LRMDA: variants seen among roughly 807,000 people sequenced by gnomAD.
LRMDA encodes leucine-rich melanocyte differentiation-associated protein.
In LRMDA, 18 loss-of-function variants were observed where a neutral mutation model predicts 29.8. The observed-to-expected ratio is 0.60, with a 90% CI of 0.42 to 0.90. LRMDA has a LOEUF of 0.90. Ranked by LOEUF, LRMDA falls within the 40% of genes least tolerant of loss-of-function variation. The pLI, the probability that LRMDA is intolerant of heterozygous loss-of-function variation, is 0.00. For synonymous variants in LRMDA, 125 were observed against 109.4 expected (o/e 1.14, Z -0.89); for missense variants, 273 against 273.9 (o/e 1.00, Z 0.02).
intron 2 of LRMDA, among the ~76,000 whole-genome samples, chr10:76,019,140 G>C (rs2395334): frequency 4.6e-5 from 7 of 152,006 alleles, no homozygotes; most frequent in African/African-American, 1.7e-4. Context: ...CCCTCGGGCC[G>C]GGTGCAGCTC....
chr10:76,478,597 C>T (rs1003361170), intron 6 of LRMDA, among the ~76,000 whole-genome samples: 5 of 152,014 alleles, frequency 3.3e-5, no homozygotes, highest in Admixed American at 3.3e-4. Context: ...CACATGTACA[C>T]GTATGTTTAT....
chr10:75,692,392 T>C (rs1005582572), intron 2 of LRMDA, among the ~76,000 whole-genome samples: 39 of 148,870 alleles, frequency 2.6e-4, no homozygotes, highest in African/African-American at 9.1e-4. Context: ...TGCCTACATA[T>C]ATATACACAC....
intron 2 of LRMDA, among the ~76,000 whole-genome samples, chr10:75,538,796 C>T (rs181520932): frequency 2.3e-4 from 35 of 152,240 alleles, no homozygotes; most frequent in Non-Finnish European, 4.7e-4. Flanking sequence ...ATCTTCAGAC[C>T]CCCAAGGTGA....
intron 6 of LRMDA, among the ~76,000 whole-genome samples, chr10:76,522,028 T>C: frequency 6.6e-6 from 1 of 152,210 alleles, no homozygotes; most frequent in East Asian, 1.9e-4. Flanking sequence ...ATAGAAAATT[T>C]GGCAAGTAGC....
chr10:75,540,564 A>C (rs1001946806), intron 2 of LRMDA, among the ~76,000 whole-genome samples: 5 of 152,184 alleles, frequency 3.3e-5, no homozygotes, highest in African/African-American at 1.2e-4. Flanking sequence ...CCTCCCCACT[A>C]GCACTCTGCT....
chr10:76,498,985 C>CAGT (rs1284307246), intron 6 of LRMDA, among the ~76,000 whole-genome samples: 2 of 19,350 alleles, frequency 1.0e-4, no homozygotes, highest in Admixed American at 6.2e-4. Context: ...AATAAAACAA[C>CAGT]AGTAGTAGTA....
At chr10:76,263,091 C>T (rs1318677472) in intron 5 of LRMDA, among the ~76,000 whole-genome samples, 1 of 152,022 alleles carries the variant, frequency 6.6e-6, no homozygotes, top group African/African-American at 2.4e-5. Context: ...AAAAAAAATT[C>T]AAATGCTATT....
At chr10:75,521,104 A>G (rs1205153110) in intron 2 of LRMDA, among the ~76,000 whole-genome samples, 1 of 152,096 alleles carries the variant, frequency 6.6e-6, no homozygotes, top group Non-Finnish European at 1.5e-5. Context: ...ATCCACCTAT[A>G]TGAGGTGTCT....
chr10:76,198,930 A>C (rs1851379151), intron 5 of LRMDA, among the ~76,000 whole-genome samples: 1 of 152,232 alleles, frequency 6.6e-6, no homozygotes, highest in Admixed American at 6.5e-5. Context: ...GAATTAATGC[A>C]ATCAAATGGT....
intron 2 of LRMDA, among the ~76,000 whole-genome samples, chr10:75,740,709 G>A (rs1842818562): frequency 6.6e-6 from 1 of 152,142 alleles, no homozygotes; most frequent in Non-Finnish European, 1.5e-5. Flanking sequence ...CCCAACATCT[G>A]TTGATCAGCA....
At chr10:75,852,448 T>A (rs888796524) in intron 2 of LRMDA, among the ~76,000 whole-genome samples, 4 of 152,142 alleles carry the variant, frequency 2.6e-5, no homozygotes, top group African/African-American at 9.7e-5. Context: ...TAGGAAATGT[T>A]GTAAATTAGT....
intron 2 of LRMDA, among the ~76,000 whole-genome samples, chr10:75,519,768 C>T (rs901473356): frequency 8.5e-5 from 13 of 152,222 alleles, no homozygotes; most frequent in African/African-American, 3.1e-4. Flanking sequence ...GCAATTTCTT[C>T]ATAGCATCCA....
intron 6 of LRMDA, among the ~76,000 whole-genome samples, chr10:76,481,122 A>T (rs1188495614): frequency 6.6e-6 from 1 of 151,932 alleles, no homozygotes; most frequent in Non-Finnish European, 1.5e-5. Context: ...GATCATGAGG[A>T]CTTCTAGATT....
intron 2 of LRMDA, among the ~76,000 whole-genome samples, chr10:75,676,370 G>T (rs1305214665): frequency 6.6e-6 from 1 of 152,210 alleles, no homozygotes; most frequent in Non-Finnish European, 1.5e-5. Flanking sequence ...TAGTTTGGAT[G>T]AAATGATCTT....
chr10:76,165,762 C>A (rs541290625), intron 5 of LRMDA, among the ~76,000 whole-genome samples: 2 of 152,276 alleles, frequency 1.3e-5, no homozygotes, highest in South Asian at 4.1e-4. Context: ...ATCATGAGAA[C>A]AATATGAGGG....
chr10:76,013,001 C>T (rs536639530), intron 2 of LRMDA, among the ~76,000 whole-genome samples: 18 of 151,546 alleles, frequency 1.2e-4, no homozygotes, highest in East Asian at 7.8e-4. Flanking sequence ...GATTTCTTTG[C>T]GGGAGGGGGA....
intron 2 of LRMDA, among the ~76,000 whole-genome samples, chr10:75,812,522 C>T (rs950906407): frequency 5.3e-5 from 8 of 152,084 alleles, no homozygotes; most frequent in African/African-American, 1.9e-4. Flanking sequence ...CTTTCTTTGC[C>T]AGTTAATGAT....
At chr10:76,126,358 G>A (rs1437879819) in intron 5 of LRMDA, among the ~76,000 whole-genome samples, 2 of 152,158 alleles carry the variant, frequency 1.3e-5, no homozygotes, top group South Asian at 4.1e-4. Flanking sequence ...TAGGCATTCT[G>A]CATATATCAA....
intron 6 of LRMDA, among the ~76,000 whole-genome samples, chr10:76,451,468 G>C (rs1842406005): frequency 6.6e-6 from 1 of 150,824 alleles, no homozygotes; most frequent in African/African-American, 2.4e-5. Context: ...GCCTCCCAAA[G>C]TGCTGGGATT....
Sources: allele counts gnomAD v4.1 joint callset (sites outside exome capture counted in the v4.1 genomes callset), GRCh38; gene constraint gnomAD v4.1.1; transcripts MANE v1.5; gene names NCBI Gene and HGNC (gene_info 2026-07-23, HGNC 2026-07-21).